ACAP1: variants seen among roughly 807,000 people sequenced by gnomAD.
The protein encoded by ACAP1 is ArfGAP with coiled-coil, ankyrin repeat and PH domains 1.
In ACAP1, 45 loss-of-function variants were observed where a neutral mutation model predicts 98.8. That is an observed-to-expected ratio of 0.46 (90% CI 0.36 to 0.58). The LOEUF (loss-of-function observed/expected upper bound fraction) is 0.58, where lower values mean the gene tolerates loss of function less well. ACAP1 is among the 20% of genes least tolerant of loss of function. The probability of loss-of-function intolerance (pLI) is 0.00; values close to 1 mark genes in which losing one functional copy is unlikely to be tolerated. For missense variants in ACAP1, 735 were observed against 971.4 expected (o/e 0.76, Z 3.24); for synonymous variants, 362 against 375.3 (o/e 0.96, Z 0.41).
At position 7,343,847 on chromosome 17, in the gene ACAP1, G is replaced by A. The variant is rs370501122; in HGVS notation, c.574-14G>A. The stretch of plus-strand genomic sequence containing the variant: ...TTCTTCCTCAGCCTTCCCACTGCCC[G>A]CCTTGTCCCCCAGGTGCTGCGTTTG... On this transcript the variant is annotated splice_polypyrimidine_tract_variant and intron_variant, in intron 7 of 21. Coordinates refer to ENST00000158762, the MANE Select transcript of ACAP1 (RefSeq NM_014716.4). This position sits in a 1 kb window ranked among gnomAD's most constrained non-coding sequence, Gnocchi z 4.9. 4.2e-5 allele frequency: 68 copies of A among 1,613,862 alleles called. No homozygotes were observed. Among genetic ancestry groups the A allele is most frequent in the Admixed American group, 2.0e-4 (12 of 59,988 alleles).
intron 1 of ACAP1, 58 bp downstream of exon 1, chr17:7,336,845 C>T: frequency 6.4e-7 from 1 of 1,571,010 alleles, no homozygotes; most frequent in Non-Finnish European, 8.8e-7. Context: ...CCCCAGCACA[C>T]ACACACCTTT....
In ACAP1 at chr17:7,350,267, G is replaced by T. The variant is rs1368984044; in HGVS notation, c.2072+30G>T. On this transcript the variant is annotated intron_variant, in intron 20 of 21. Coordinates refer to ENST00000158762, the MANE Select transcript of ACAP1 (RefSeq NM_014716.4). The surrounding 1 kb of genome is among the most constrained non-coding windows in gnomAD (Gnocchi z 4.6). Reference sequence around the variant, plus strand: ...GAATGCCTGAAGGGGCGGGGCTGGCGCTGGGACTCCCCCCACCCCCGCCCA... The same window carrying T: ...GAATGCCTGAAGGGGCGGGGCTGGCTCTGGGACTCCCCCCACCCCCGCCCA... 1.9e-6 allele frequency: 3 copies of T among 1,586,540 alleles called. No homozygotes were observed. In the African/African-American group the frequency reaches 4.0e-5, roughly 21 times the overall value.
Position 7,342,087 on chromosome 17 carries a change from C to A in ACAP1, c.231+20C>A. Reference sequence around the variant, plus strand: ...ATGGCGGTATGCGGAGGGTCTGCATCTGGGAGGGAAGGGGTCTGGGATGAG... The same window carrying A: ...ATGGCGGTATGCGGAGGGTCTGCATATGGGAGGGAAGGGGTCTGGGATGAG... On this transcript the variant is annotated intron_variant, in intron 3 of 21. Coordinates refer to ENST00000158762, the MANE Select transcript of ACAP1 (RefSeq NM_014716.4). The A allele has an allele frequency of 6.2e-7, 1 of 1,612,878 alleles. No homozygotes were observed. The highest frequency in any genetic ancestry group is 1.7e-5 in the Admixed American group (1 of 60,006).
chr17:7,344,074 C>A lies in ACAP1; in HGVS notation c.695C>A (p.Ala232Glu). ...TTGCACCAGCTGGTCTTGAATTCAG[C>A]ACGAGAGAAGAGGGACATGGAGCAG... is the stretch of plus-strand genomic sequence containing the variant. ...AQLHQLVLNSAREKRDMEQRH... is the reference protein window; with the variant it reads ...AQLHQLVLNSEREKRDMEQRH... The change falls in exon 9 of 22, where the codon GCA (alanine) becomes GAA (glutamate). Residue 232 changes from alanine to glutamate, a missense_variant. Transcript: ENST00000158762. This position sits in a 1 kb window ranked among gnomAD's most constrained non-coding sequence, Gnocchi z 4.9. 6.3e-7 allele frequency: 1 copy of A among 1,593,050 alleles called. No individual in the cohort carries two copies. The highest frequency in any genetic ancestry group is 1.1e-5 in the South Asian group (1 of 88,166).
intron 2 of ACAP1, among the ~76,000 whole-genome samples, chr17:7,338,381 G>A (rs11653717): frequency 7.2e-5 from 11 of 151,784 alleles, no homozygotes; most frequent in African/African-American, 2.4e-4. Context: ...AGCCTCCCAA[G>A]TAGCTGGGAT....
chr17:7,349,921 C>T, intron 18 of ACAP1, 24 bp from the exon 19 acceptor site: 4 of 1,567,236 alleles, frequency 2.6e-6, no homozygotes, highest in South Asian at 1.1e-5. Context: ...ACCCTCAACC[C>T]CCCTTCTCGA....
chr17:7,338,698 C>G (rs1234128350), intron 2 of ACAP1, among the ~76,000 whole-genome samples: 2 of 151,944 alleles, frequency 1.3e-5, no homozygotes, highest in Non-Finnish European at 2.9e-5. Context: ...GCCACCACGC[C>G]TGGCTTTTTT....
chr17:7,340,166 G>T (rs2073262176), intron 2 of ACAP1, among the ~76,000 whole-genome samples: 1 of 152,100 alleles, frequency 6.6e-6, no homozygotes, highest in East Asian at 2.0e-4. Context: ...CAGCTACTCA[G>T]GAAGCTAAGA....
In ACAP1 at chr17:7,344,689, G is replaced by A. The variant is rs2073330282; in HGVS notation, c.854+41G>A. The A allele has an allele frequency of 2.1e-6, 3 of 1,460,620 alleles. No individual in the cohort carries two copies. The highest frequency in any genetic ancestry group is 2.8e-6 in the Non-Finnish European group (3 of 1,064,660). 90.5% of individuals were successfully genotyped at this position (1,460,620 alleles called of 1,614,324 possible). ...CCCCAATCAGCCCGCCCCACCCAATGATGTATTTTCGAGTGGTAATAGCAC... is the reference window on the plus strand; with the variant it reads ...CCCCAATCAGCCCGCCCCACCCAATAATGTATTTTCGAGTGGTAATAGCAC... On this transcript the variant is annotated intron_variant, in intron 10 of 21. Transcript: ENST00000158762. This position sits in a 1 kb window ranked among gnomAD's most constrained non-coding sequence, Gnocchi z 4.9.
chr17:7,339,628 G>A (rs758822324), intron 2 of ACAP1, among the ~76,000 whole-genome samples: 6 of 152,132 alleles, frequency 3.9e-5, no homozygotes, highest in Admixed American at 1.3e-4. Context: ...GCACTCCGGC[G>A]TGGGCGACAG....
intron 2 of ACAP1, 52 bp downstream of exon 2, chr17:7,337,421 A>T: frequency 6.7e-7 from 1 of 1,497,336 alleles, no homozygotes; most frequent in Non-Finnish European, 9.3e-7. Flanking sequence ...TGAGAGGGGT[A>T]GGGCCAGGGA....
chr17:7,347,727 C>T (rs886952735), intron 14 of ACAP1, 195 bp from the exon 15 acceptor site: 34 of 599,770 alleles, frequency 5.7e-5, no homozygotes, highest in South Asian at 2.8e-4. Flanking sequence ...GGAATGGTGA[C>T]GAGGCAGAGT....
chr17:7,342,513 C>A, intron 5 of ACAP1, 39 bp downstream of exon 5: 1 of 1,606,984 alleles, frequency 6.2e-7, no homozygotes. Context: ...TGCCTGTAAT[C>A]CCAACACTTT....
chr17:7,342,314 C>T lies in ACAP1; in HGVS notation c.271C>T (p.Leu91=), dbSNP rs2073292123. ...EKFTVSLNHK[L]DSHAELLDAT... is the part of the protein sequence containing the mutation. Reference sequence around the variant, plus strand: ...ATTCACCGTGAGCCTGAACCACAAGCTGGACAGCCATGCGGTAAGTAGGGG... The same window carrying T: ...ATTCACCGTGAGCCTGAACCACAAGTTGGACAGCCATGCGGTAAGTAGGGG... Residue 91 remains leucine, a synonymous_variant, in exon 4 of 22, where the codon CTG becomes TTG. Coordinates refer to ENST00000158762, the MANE Select transcript of ACAP1 (RefSeq NM_014716.4). 3 of 1,614,190 alleles carry T rather than the reference C, an allele frequency of 1.9e-6. No individual in the cohort carries two copies. The highest frequency in any genetic ancestry group is 1.7e-6 in the Non-Finnish European group (2 of 1,180,030).
At chr17:7,341,533 C>A (rs763716732) in intron 2 of ACAP1, among the ~76,000 whole-genome samples, 1 of 152,180 alleles carries the variant, frequency 6.6e-6, no homozygotes, top group African/African-American at 2.4e-5. Flanking sequence ...TGAGCCACCA[C>A]GCCCGGCCAA....
At chr17:7,338,883 G>C (rs766104260) in intron 2 of ACAP1, among the ~76,000 whole-genome samples, 1 of 151,898 alleles carries the variant, frequency 6.6e-6, no homozygotes, top group East Asian at 1.9e-4. Context: ...TGACTCAGGA[G>C]ACTAGTGAGG....
chr17:7,341,892 C>T lies in ACAP1; in HGVS notation c.112-56C>T, dbSNP rs915774557. The T allele has an allele frequency of 8.7e-6, 14 of 1,604,494 alleles. No individual in the cohort carries two copies. The Middle Eastern group carries it at 6.6e-4, about 76-fold the overall frequency. ...AGAGGAAGTGGGGCAGGTGTGGGGG[C>T]ATCACCAGGTGTGAGGATGATGGCA... On this transcript the variant is annotated intron_variant, in intron 2 of 21. Transcript: ENST00000158762.
chr17:7,342,450 A>G lies in ACAP1; in HGVS notation c.320A>G (p.Gln107Arg). The G allele has an allele frequency of 1.2e-6, 2 of 1,614,194 alleles. No individual in the cohort carries two copies. The highest frequency in any genetic ancestry group is 1.7e-6 in the Non-Finnish European group (2 of 1,180,036). The change falls in exon 5 of 22, where the codon CAG becomes CGG. Residue 107 changes from glutamine to arginine, a missense_variant. Physicochemically the swap from Gln to Arg is conservative, Grantham distance 43. Coordinates refer to ENST00000158762, the MANE Select transcript of ACAP1 (RefSeq NM_014716.4). ...GATGCCACCCAACACACACTGCAGC[A>G]GCAGATCCAGACCCTGGTCAAGGAG... is the stretch of plus-strand genomic sequence containing the variant. ...LLDATQHTLQQQIQTLVKEGL... is the reference protein window; with the variant it reads ...LLDATQHTLQRQIQTLVKEGL...
intron 5 of ACAP1, 148 bp downstream of exon 5, chr17:7,342,622 G>C: frequency 1.1e-6 from 1 of 911,606 alleles, no homozygotes; most frequent in Non-Finnish European, 1.7e-6. Flanking sequence ...AAATTAGGCC[G>C]GGCACGGTGG....
Sources: gnomAD v4.1 joint callset for allele counts (sites outside exome capture counted in the v4.1 genomes callset) on GRCh38, gnomAD v4.1.1 for gene constraint, Gnocchi (gnomAD v3.1) non-coding constraint, MANE v1.5 for transcripts, NCBI Gene and HGNC (gene_info 2026-07-23, HGNC 2026-07-21) for gene names.